AGK: variants seen among roughly 807,000 people sequenced by gnomAD.
The protein encoded by AGK is acylglycerol kinase.
Under a neutral mutation model 66.4 loss-of-function variants are expected in AGK, and 52 were observed. The ratio of observed to expected loss-of-function variants is 0.78; its 90% CI spans 0.63 to 0.99. AGK has a LOEUF of 0.99. AGK is among the 50% of genes least tolerant of loss of function. The probability of loss-of-function intolerance (pLI) is 0.00; values close to 1 mark genes in which losing one functional copy is unlikely to be tolerated. For missense variants in AGK, 451 were observed against 506.6 expected (o/e 0.89, Z 1.05); for synonymous variants, 182 against 181.1 (o/e 1.00, Z -0.04).
intron 7 of AGK, among the ~76,000 whole-genome samples, chr7:141,615,134 A>G (rs1000801654): frequency 5.3e-5 from 8 of 152,228 alleles, no homozygotes; most frequent in East Asian, 1.9e-4. Context: ...AACTTTATCA[A>G]ATAGTGTGAC....
chr7:141,602,281 C>A (rs909340855), intron 5 of AGK, among the ~76,000 whole-genome samples: 9 of 151,808 alleles, frequency 5.9e-5, no homozygotes, highest in Admixed American at 3.3e-4. Context: ...TGATCCCCCC[C>A]ACCTTGGCTT....
At chr7:141,582,094 T>C (rs1037173218) in intron 2 of AGK, among the ~76,000 whole-genome samples, 1 of 152,048 alleles carries the variant, frequency 6.6e-6, no homozygotes, top group African/African-American at 2.4e-5. Flanking sequence ...CTTCAGCCGC[T>C]AAGTCAAGAA....
chr7:141,639,059 A>G (rs1025781674), intron 11 of AGK, among the ~76,000 whole-genome samples: 2 of 152,232 alleles, frequency 1.3e-5, no homozygotes, highest in Non-Finnish European at 2.9e-5. Flanking sequence ...TGCAGGAGAG[A>G]ATACTAACAT....
chr7:141,574,587 T>A (rs1045646249), intron 2 of AGK, among the ~76,000 whole-genome samples: 7 of 152,222 alleles, frequency 4.6e-5, no homozygotes, highest in African/African-American at 1.7e-4. Flanking sequence ...AGAACTATCC[T>A]CTGGTTAATG....
chr7:141,608,789 A>G (rs1273966074), intron 5 of AGK, among the ~76,000 whole-genome samples: 2 of 152,174 alleles, frequency 1.3e-5, no homozygotes, highest in Non-Finnish European at 2.9e-5. Context: ...GGATATCATA[A>G]AGTGACTTGC....
chr7:141,583,424 G>T (rs964593223), intron 2 of AGK, among the ~76,000 whole-genome samples: 5 of 143,240 alleles, frequency 3.5e-5, no homozygotes, highest in South Asian at 4.7e-4. Context: ...GAGAAGGGGT[G>T]GGGGGGTGCT....
At chr7:141,623,424 G>C (rs184063800) in intron 9 of AGK, among the ~76,000 whole-genome samples, 125 of 148,272 alleles carry the variant, frequency 8.4e-4, no homozygotes, top group Middle Eastern at 3.5e-3. Context: ...AAAAAAGAAA[G>C]TGAAGCAGCC....
intron 2 of AGK, among the ~76,000 whole-genome samples, chr7:141,589,348 T>G (rs1354700417): frequency 1.3e-5 from 2 of 152,362 alleles, no homozygotes; most frequent in South Asian, 2.1e-4. Context: ...AATTTTAAGT[T>G]TTGTCTTTTA....
At chr7:141,629,399 G>C (rs1797008039) in intron 9 of AGK, among the ~76,000 whole-genome samples, 1 of 151,980 alleles carries the variant, frequency 6.6e-6, no homozygotes, top group Non-Finnish European at 1.5e-5. Flanking sequence ...TTTTCTTTTT[G>C]TTTTTGTTTA....
chr7:141,561,672 C>G (rs1795355062), intron 2 of AGK, among the ~76,000 whole-genome samples: 1 of 151,590 alleles, frequency 6.6e-6, no homozygotes, highest in Admixed American at 6.6e-5. Context: ...CAGTAGGGAA[C>G]AAGGACCTCT....
intron 2 of AGK, among the ~76,000 whole-genome samples, chr7:141,578,487 T>C (rs576189788): frequency 7.2e-5 from 11 of 152,062 alleles, no homozygotes; most frequent in Admixed American, 6.5e-4. Flanking sequence ...TCCTGCCTTC[T>C]TATATTAATA....
At chr7:141,561,747 A>C (rs1041254266) in intron 2 of AGK, among the ~76,000 whole-genome samples, 3 of 151,834 alleles carry the variant, frequency 2.0e-5, no homozygotes, top group Admixed American at 6.6e-5. Context: ...AACTTTCCCT[A>C]CTGTGTCCAG....
Position 141,578,830 on chromosome 7 carries a change from A to G in AGK, c.102-14316A>G, listed in dbSNP as rs150613982. Among the ~76,000 whole-genome samples, 392 of 152,174 alleles carry G rather than the reference A, an allele frequency of 2.6e-3. 10 individuals carry two copies. The highest frequency in any genetic ancestry group is 9.2e-3 in the African/African-American group (381 of 41,410). On this transcript the variant is annotated intron_variant, in intron 2 of 15. Transcript: ENST00000649286. Reference sequence around the variant, plus strand: ...GGACTAAGAATTGGGAAAGTCCAGGACATCCAATTAGAGAGTGCCCAAGGA... The same window carrying G: ...GGACTAAGAATTGGGAAAGTCCAGGGCATCCAATTAGAGAGTGCCCAAGGA...
intron 1 of AGK, among the ~76,000 whole-genome samples, chr7:141,554,378 TG>T (rs1027102024): frequency 6.6e-6 from 1 of 151,940 alleles, no homozygotes; most frequent in African/African-American, 2.4e-5. Context: ...TTAATTGTAT[TG>T]GTTTTCTTTT....
intron 5 of AGK, among the ~76,000 whole-genome samples, chr7:141,608,393 A>G (rs1386224346): frequency 6.6e-6 from 1 of 152,132 alleles, no homozygotes; most frequent in Admixed American, 6.6e-5. Flanking sequence ...TCACAGTATC[A>G]CGAGCTGTGA....
intron 4 of AGK, chr7:141,599,015 C>T (rs1279156602): frequency 6.6e-6 from 1 of 152,132 alleles, no homozygotes. Context: ...AGCTAAAATA[C>T]TGCCACTGAA....
chr7:141,589,835 C>T (rs914610697), intron 2 of AGK, among the ~76,000 whole-genome samples: 1 of 152,184 alleles, frequency 6.6e-6, no homozygotes, highest in African/African-American at 2.4e-5. Flanking sequence ...GCTGGGATTA[C>T]AAGCATGAGT....
intron 5 of AGK, 24 bp from the exon 6 acceptor site, chr7:141,611,171 C>G: frequency 1.9e-6 from 3 of 1,564,020 alleles, no homozygotes; most frequent in Non-Finnish European, 2.6e-6. Context: ...GATAAACTCA[C>G]CAAAGGCTTC....
intron 10 of AGK, 75 bp from the exon 11 acceptor site, chr7:141,636,885 C>A: frequency 8.2e-7 from 1 of 1,224,396 alleles, no homozygotes; most frequent in Non-Finnish European, 1.2e-6. Context: ...AATGTATTGT[C>A]TGCCATGAAT....
Sources: gnomAD v4.1 joint callset for allele counts (sites outside exome capture counted in the v4.1 genomes callset) on GRCh38, gnomAD v4.1.1 for gene constraint, MANE v1.5 for transcripts, NCBI Gene and HGNC (gene_info 2026-07-23, HGNC 2026-07-21) for gene names.